The following PTPRA variants were observed in gnomAD, a reference collection of about 807,000 sequenced individuals.
The protein encoded by PTPRA is receptor-type tyrosine-protein phosphatase alpha.
PTPRA carries 25 observed loss-of-function variants against 104.8 expected under a neutral mutation model. The ratio of observed to expected loss-of-function variants is 0.24; its 90% CI spans 0.17 to 0.33. PTPRA has a LOEUF of 0.33. PTPRA is among the 10% of genes least tolerant of loss of function. The probability of loss-of-function intolerance (pLI) is 1.00; values close to 1 mark genes in which losing one functional copy is unlikely to be tolerated. For synonymous variants in PTPRA, 323 were observed against 368.9 expected, an observed-to-expected ratio of 0.88 and a Z score of 1.43; for missense variants, 765 against 1,015.3, an observed-to-expected ratio of 0.75 and a Z score of 3.35.
intron 7 of PTPRA, 65 bp downstream of exon 7, chr20:2,986,914 C>A: frequency 1.5e-6 from 2 of 1,374,536 alleles, no homozygotes; most frequent in South Asian, 1.2e-5. Context: ...CCCAATGAAC[C>A]CACACAGTCC....
the PTPRA span, chr20:2,866,145 C>A: frequency 4.9e-6 from 7 of 1,436,776 alleles, no homozygotes; most frequent in Non-Finnish European, 6.8e-6. Flanking sequence ...TGCGCCTCTG[C>A]TCGTAAGAGA....
intron 3 of PTPRA, among the ~76,000 whole-genome samples, chr20:2,951,868 C>T (rs560208274): frequency 2.6e-5 from 4 of 152,208 alleles, no homozygotes; most frequent in East Asian, 3.9e-4. Context: ...AGGCTGGGCG[C>T]GGTGGCTCAT....
At chr20:2,942,880 T>C (rs979491774) in intron 2 of PTPRA, among the ~76,000 whole-genome samples, 31 of 152,192 alleles carry the variant, frequency 2.0e-4, no homozygotes, top group African/African-American at 6.0e-4. Flanking sequence ...ACCACAGATA[T>C]ATATTTTCCT....
At chr20:2,961,382 G>T (rs781247806) in intron 3 of PTPRA, among the ~76,000 whole-genome samples, 3 of 152,102 alleles carry the variant, frequency 2.0e-5, no homozygotes, top group Non-Finnish European at 2.9e-5. Context: ...ATTACCTAAT[G>T]ACTTGATGTT....
intron 3 of PTPRA, among the ~76,000 whole-genome samples, chr20:2,963,413 C>T (rs868106938): frequency 1.3e-5 from 2 of 151,776 alleles, no homozygotes; most frequent in South Asian, 4.2e-4. Context: ...ACCAGCGTGA[C>T]CAACATGGAG....
intron 3 of PTPRA, among the ~76,000 whole-genome samples, chr20:2,953,708 A>G (rs1600165596): frequency 1.3e-5 from 2 of 151,076 alleles, no homozygotes; most frequent in African/African-American, 4.9e-5. Flanking sequence ...CCTGGGTTCA[A>G]GCACTTCTCC....
rs1294006048 is a variant in PTPRA, at chr20:3,027,193, T to C, written c.1781T>C (p.Ile594Thr). The C allele has an allele frequency of 1.2e-6, 2 of 1,613,868 alleles. No homozygotes were observed. The highest frequency in any genetic ancestry group is 1.3e-5 in the African/African-American group (1 of 74,936). Residue 594 changes from isoleucine to threonine, a missense_variant, in exon 19 of 24, where the codon ATT (isoleucine) becomes ACT (threonine). By Grantham distance (89) the Ile-to-Thr change is moderately conservative. This residue lies in a region of PTPRA where 192 missense variants were observed against 227.0 expected (regional missense o/e 0.85). Coordinates refer to ENST00000399903, the MANE Select transcript of PTPRA (RefSeq NM_001385305.1). ...ACAGACTATGTGAACGCATCCTTTATTGATGTAAGTGGTGGGTGTGACCCC... is the reference window on the plus strand; with the variant it reads ...ACAGACTATGTGAACGCATCCTTTACTGATGTAAGTGGTGGGTGTGACCCC... ...ENTDYVNASF[I>T]DGYRQKDSYI...
intron 2 of PTPRA, among the ~76,000 whole-genome samples, chr20:2,924,998 A>C (rs189652306): frequency 7.0e-4 from 106 of 152,276 alleles, no homozygotes; most frequent in African/African-American, 2.4e-3. Context: ...TTTACATCTT[A>C]ATGTGTTCAT....
At chr20:2,897,153 G>C (rs2059031459) in intron 1 of PTPRA, among the ~76,000 whole-genome samples, 1 of 152,186 alleles carries the variant, frequency 6.6e-6, no homozygotes, top group Non-Finnish European at 1.5e-5. Context: ...TGGCTGGCAA[G>C]TTTTTGTAAA....
intron 1 of PTPRA, among the ~76,000 whole-genome samples, chr20:2,910,675 C>T (rs1453233355): frequency 2.2e-5 from 3 of 136,222 alleles, no homozygotes; most frequent in South Asian, 2.4e-4. Flanking sequence ...GACATGATCT[C>T]GGCTCACTGC....
At chr20:2,952,799 A>G (rs11906571) in intron 3 of PTPRA, among the ~76,000 whole-genome samples, 14 of 152,296 alleles carry the variant, frequency 9.2e-5, no homozygotes, top group African/African-American at 3.4e-4. Context: ...AGTACTTCAT[A>G]TAAGTGGAGT....
intron 1 of PTPRA, among the ~76,000 whole-genome samples, chr20:2,910,370 T>C (rs2059647720): frequency 1.2e-5 from 1 of 85,816 alleles, no homozygotes; most frequent in Non-Finnish European, 2.2e-5. Flanking sequence ...ATATATAATA[T>C]ATTTTGTATA....
At chr20:2,903,205 C>T (rs1207216552) in intron 1 of PTPRA, among the ~76,000 whole-genome samples, 2 of 152,218 alleles carry the variant, frequency 1.3e-5, no homozygotes, top group Admixed American at 1.3e-4. Flanking sequence ...TGCAAATATT[C>T]CAACATCTTT....
At chr20:3,032,595 A>T (rs374008438) in intron 20 of PTPRA, among the ~76,000 whole-genome samples, 1 of 151,714 alleles carries the variant, frequency 6.6e-6, no homozygotes, top group Admixed American at 6.6e-5. Flanking sequence ...GCAAAACCCC[A>T]TCTCTACTAA....
At chr20:2,962,633 T>C (rs1449107438) in intron 3 of PTPRA, among the ~76,000 whole-genome samples, 1 of 152,230 alleles carries the variant, frequency 6.6e-6, no homozygotes, top group African/African-American at 2.4e-5. Context: ...AGCTGGGTTC[T>C]GCCAGAGATC....
chr20:2,894,786 A>G (rs1008512064), intron 1 of PTPRA, among the ~76,000 whole-genome samples: 3 of 151,912 alleles, frequency 2.0e-5, no homozygotes, highest in African/African-American at 7.3e-5. Flanking sequence ...GGAGATCAAG[A>G]CCATCTTGGC....
At chr20:2,946,705 G>C (rs918976002) in intron 2 of PTPRA, among the ~76,000 whole-genome samples, 50 of 151,722 alleles carry the variant, frequency 3.3e-4, no homozygotes, top group African/African-American at 1.2e-3. Context: ...AAAATTAGCC[G>C]GGCGTGGTGG....
At chr20:2,867,942 G>A in the PTPRA span, among the ~76,000 whole-genome samples, 2 of 152,238 alleles carry the variant, frequency 1.3e-5, no homozygotes, top group Non-Finnish European at 2.9e-5. Flanking sequence ...CATTCATTAT[G>A]TGGGTCAAGA....
At position 2,957,734 on chromosome 20, in the gene PTPRA, T is replaced by G. The variant is rs555252931; in HGVS notation, c.-6-6538T>G. ...TATAGTGACTGGGGAGTTAAGGGTG[T>G]CTAGTCCAATGGCTTTTATTTTCTT... On this transcript the variant is annotated intron_variant, in intron 3 of 23. Coordinates refer to ENST00000399903, the MANE Select transcript of PTPRA (RefSeq NM_001385305.1). 1.6e-4 allele frequency among the ~76,000 whole-genome samples: 25 copies of G among 152,236 alleles called. No individual in the cohort carries two copies. In the South Asian group the frequency reaches 3.3e-3, roughly 20 times the overall value.
Sources: allele counts gnomAD v4.1 joint callset (sites outside exome capture counted in the v4.1 genomes callset), GRCh38; gene constraint gnomAD v4.1.1; regional missense constraint gnomAD v4.1.1; transcripts MANE v1.5; gene names NCBI Gene and HGNC (gene_info 2026-07-23, HGNC 2026-07-21).